The following ITGA9 variants were observed in gnomAD, a reference collection of about 807,000 sequenced individuals.
The protein encoded by ITGA9 is integrin subunit alpha 9, also known as integrin alpha-9.
A neutral mutation model predicts 127.8 loss-of-function variants in ITGA9; 56 were observed. The observed-to-expected ratio is 0.44, with a 90% CI of 0.35 to 0.55. The LOEUF (loss-of-function observed/expected upper bound fraction) is 0.55. ITGA9 is among the 20% of genes least tolerant of loss of function. ITGA9 has a pLI of 0.00. For synonymous variants in ITGA9, 508 were observed against 514.5 expected (o/e 0.99, Z 0.17); for missense variants, 1,196 against 1,347.1 (o/e 0.89, Z 1.76).
At chr3:37,612,475 T>C (rs1700032517) in intron 15 of ITGA9, among the ~76,000 whole-genome samples, 1 of 152,204 alleles carries the variant, frequency 6.6e-6, no homozygotes, top group Non-Finnish European at 1.5e-5. Context: ...GTGTGTAATA[T>C]CTCAGATTTC....
At chr3:37,611,025 G>C (rs1700011007) in intron 15 of ITGA9, among the ~76,000 whole-genome samples, 1 of 151,774 alleles carries the variant, frequency 6.6e-6, no homozygotes, top group South Asian at 2.1e-4. Flanking sequence ...AGGAAGTAAG[G>C]GTAGAGCAAA....
chr3:37,687,768 G>A (rs1042069392), intron 18 of ITGA9, among the ~76,000 whole-genome samples: 43 of 151,776 alleles, frequency 2.8e-4, no homozygotes, highest in East Asian at 1.5e-3. Flanking sequence ...TCAGATATAT[G>A]AGAATTCATA....
At chr3:37,726,048 G>A (rs2125686331) in intron 18 of ITGA9, among the ~76,000 whole-genome samples, 1 of 152,344 alleles carries the variant, frequency 6.6e-6, no homozygotes, top group East Asian at 1.9e-4. Context: ...ATTGAGTGCT[G>A]CTAATAAAGT....
At position 37,511,332 on chromosome 3, in the gene ITGA9, A is replaced by G. The variant is rs556177256; in HGVS notation, c.898-2431A>G. The stretch of plus-strand genomic sequence containing the variant: ...TCTCCACATTTCCAGGCTGATGGGG[A>G]GCTCTGATCATCGGACACACACCCC... On this transcript the variant is annotated intron_variant, in intron 8 of 27. Transcript: ENST00000264741. 5.6e-4 allele frequency among the ~76,000 whole-genome samples: 86 copies of G among 152,316 alleles called. 1 individual carries two copies. In the South Asian group the frequency reaches 0.017, roughly 29 times the overall value.
intron 18 of ITGA9, among the ~76,000 whole-genome samples, chr3:37,704,408 A>G (rs1298760462): frequency 1.3e-5 from 2 of 152,184 alleles, no homozygotes; most frequent in African/African-American, 2.4e-5. Context: ...TTTGTCCCCA[A>G]GTGAACTCAA....
At chr3:37,579,474 G>A (rs2125608950) in intron 15 of ITGA9, among the ~76,000 whole-genome samples, 1 of 152,098 alleles carries the variant, frequency 6.6e-6, no homozygotes, top group East Asian at 1.9e-4. Flanking sequence ...CAGCTAATTT[G>A]TCTTTATTTA....
intron 15 of ITGA9, among the ~76,000 whole-genome samples, chr3:37,582,478 C>T (rs1699718589): frequency 1.3e-5 from 2 of 152,198 alleles, no homozygotes; most frequent in Non-Finnish European, 2.9e-5. Context: ...TCTTACTCTT[C>T]CTACCTCCAA....
intron 1 of ITGA9, among the ~76,000 whole-genome samples, chr3:37,456,885 T>C (rs1471781292): frequency 6.6e-6 from 1 of 152,210 alleles, no homozygotes; most frequent in Non-Finnish European, 1.5e-5. Flanking sequence ...AAAATAAAAT[T>C]TAAAATGCAG....
At chr3:37,720,981 G>C (rs1323797637) in intron 18 of ITGA9, among the ~76,000 whole-genome samples, 1 of 152,150 alleles carries the variant, frequency 6.6e-6, no homozygotes, top group African/African-American at 2.4e-5. Context: ...TCAGGGCCAA[G>C]TGGACTCTTT....
At chr3:37,495,496 C>T (rs1698718550) in intron 5 of ITGA9, among the ~76,000 whole-genome samples, 1 of 151,730 alleles carries the variant, frequency 6.6e-6, no homozygotes, top group Non-Finnish European at 1.5e-5. Flanking sequence ...TTGCTCAGGC[C>T]AAAAAAAGAG....
In ITGA9 at chr3:37,629,213, G is replaced by A. The variant is rs373914649; in HGVS notation, c.1716G>A (p.Pro572=). The A allele has an allele frequency of 1.2e-5, 19 of 1,613,124 alleles. No individual in the cohort carries two copies. Among genetic ancestry groups the A allele is most frequent in the Non-Finnish European group, 1.4e-5 (16 of 1,179,926 alleles). Residue 572 remains proline (P), a synonymous_variant, in exon 16 of 28, where the codon CCG becomes CCA. Coordinates refer to ENST00000264741, the MANE Select transcript of ITGA9 (RefSeq NM_002207.3). The surrounding 1 kb of genome is among the most constrained non-coding windows in gnomAD (Gnocchi z 4.5). The part of the protein sequence containing the change: ...VKRRVQDVIS[P]IVFEAAYSLS... ...GGAGGGTGCAGGACGTCATCAGCCC[G>A]ATCGTGTTTGAAGCAGCCTACAGCC...
At chr3:37,689,771 T>TTTAATA (rs1258798956) in intron 18 of ITGA9, among the ~76,000 whole-genome samples, 1 of 152,000 alleles carries the variant, frequency 6.6e-6, no homozygotes, top group Non-Finnish European at 1.5e-5. Context: ...TCATTTTAAT[T>TTTAATA]TTTTGCCCTG....
At chr3:37,789,355 C>T (rs1697077948) in intron 26 of ITGA9, among the ~76,000 whole-genome samples, 1 of 152,306 alleles carries the variant, frequency 6.6e-6, no homozygotes, top group Non-Finnish European at 1.5e-5. Context: ...TGCAGATGTA[C>T]TGATTAGACA....
rs1697207544 is a variant in ITGA9, at chr3:37,799,163, A to G, written c.2890-4660A>G. On this transcript the variant is annotated intron_variant, in intron 26 of 27. Transcript: ENST00000264741. This position sits in a 1 kb window ranked among gnomAD's most constrained non-coding sequence, Gnocchi z 4.0. ...AATTAATGGATCAAAGGGTATGAAC[A>G]TTTTTATTTTATTTTTTAATTTTTT... Among the ~76,000 whole-genome samples the G allele has an allele frequency of 6.6e-6, 1 of 152,164 alleles. No individual in the cohort carries two copies. Among genetic ancestry groups the G allele is most frequent in the South Asian group, 2.1e-4 (1 of 4,818 alleles).
chr3:37,566,506 G>T (rs1194760362), intron 15 of ITGA9, among the ~76,000 whole-genome samples: 1 of 152,132 alleles, frequency 6.6e-6, no homozygotes, highest in Non-Finnish European at 1.5e-5. Context: ...AACTGTTATT[G>T]GTTTAATACT....
At chr3:37,470,522 C>T (rs1698419618) in intron 1 of ITGA9, among the ~76,000 whole-genome samples, 1 of 152,120 alleles carries the variant, frequency 6.6e-6, no homozygotes, top group Non-Finnish European at 1.5e-5. Flanking sequence ...TTGTCTTTGG[C>T]CTATTCTGTT....
intron 15 of ITGA9, among the ~76,000 whole-genome samples, chr3:37,595,846 G>A (rs372506571): frequency 6.6e-6 from 1 of 152,224 alleles, no homozygotes; most frequent in East Asian, 1.9e-4. Context: ...TTGTGTGTTT[G>A]TCTCCCTCTG....
rs1205399990 is a variant in ITGA9, at chr3:37,744,019, C to T, written c.2418C>T (p.Ile806=). Residue 806 remains isoleucine, a synonymous_variant, in exon 22 of 28, where the codon ATC becomes ATT. Transcript: ENST00000264741. ...LDDLECHFQP[I]NITLQVYNTG... Reference sequence around the variant, plus strand: ...ACCTGGAGTGTCACTTTCAGCCCATCAATATCACCCTTCAGGTACCCACTC... The same window carrying T: ...ACCTGGAGTGTCACTTTCAGCCCATTAATATCACCCTTCAGGTACCCACTC... 6.2e-7 allele frequency: 1 copy of T among 1,612,778 alleles called. No individual in the cohort carries two copies. The highest frequency in any genetic ancestry group is 1.1e-5 in the South Asian group (1 of 91,050).
intron 23 of ITGA9, among the ~76,000 whole-genome samples, chr3:37,767,568 G>A (rs1559592659): frequency 6.6e-6 from 1 of 152,242 alleles, no homozygotes; most frequent in Non-Finnish European, 1.5e-5. Context: ...ATGTGATTTT[G>A]TTTACCCGTT....
Sources: allele counts gnomAD v4.1 joint callset (sites outside exome capture counted in the v4.1 genomes callset), GRCh38; gene constraint gnomAD v4.1.1; non-coding constraint Gnocchi (gnomAD v3.1); transcripts MANE v1.5; gene names NCBI Gene and HGNC (gene_info 2026-07-23, HGNC 2026-07-21).